Variants in L2HGDH observed in about 807,000 individuals in gnomAD.
L2HGDH encodes L-2-hydroxyglutarate dehydrogenase, mitochondrial.
A neutral mutation model predicts 51.5 loss-of-function variants in L2HGDH; 34 were observed. That is an observed-to-expected ratio of 0.66 (90% CI 0.50 to 0.88). The LOEUF is 0.88. L2HGDH is among the 40% of genes least tolerant of loss of function. The pLI is 0.00. For synonymous variants in L2HGDH, 198 were observed against 197.9 expected (o/e 1.00, Z -0.01); for missense variants, 558 against 571.9 (o/e 0.98, Z 0.25).
chr14:50,312,013 G>A lies in L2HGDH; in HGVS notation c.138C>T (p.Thr46=). ...GGGGAGGACCAGCGGCCACTCACCT[G>A]GTGCTGGCGCTGCGGCTACCTCCAC... ...PLCGGSRSAS[T]SSFDIVIVGG... is the part of the protein sequence containing the mutation. Residue 46 remains threonine, a splice_region_variant and synonymous_variant, in exon 1 of 10, where the codon ACC becomes ACT. Transcript: ENST00000267436. 1 of 1,563,438 alleles carries A rather than the reference G, an allele frequency of 6.4e-7. No individual in the cohort carries two copies. Among genetic ancestry groups the A allele is most frequent in the Non-Finnish European group, 8.6e-7 (1 of 1,156,662 alleles).
chr14:50,296,717 C>T (rs2030081852), intron 3 of L2HGDH, among the ~76,000 whole-genome samples: 1 of 151,954 alleles, frequency 6.6e-6, no homozygotes, highest in African/African-American at 2.4e-5. Flanking sequence ...GAATCACTTC[C>T]CAACTAATTC....
At chr14:50,291,263 A>G (rs1890875797) in intron 4 of L2HGDH, among the ~76,000 whole-genome samples, 1 of 151,906 alleles carries the variant, frequency 6.6e-6, no homozygotes, top group East Asian at 1.9e-4. Flanking sequence ...CCATACAAAA[A>G]CAGGTGGCAG....
intron 2 of L2HGDH, among the ~76,000 whole-genome samples, chr14:50,302,499 T>C (rs1311380362): frequency 1.3e-5 from 2 of 152,138 alleles, no homozygotes; most frequent in Non-Finnish European, 2.9e-5. Context: ...TCAACATCAC[T>C]AGCGGCAATC....
intron 6 of L2HGDH, among the ~76,000 whole-genome samples, chr14:50,276,626 T>C (rs73275194): frequency 0.01 from 1,581 of 152,248 alleles, 22 homozygotes; most frequent in South Asian, 0.034. Flanking sequence ...CCCAAGATCA[T>C]GCGCTCTCTT....
chr14:50,249,714 C>T (rs1379881156), intron 9 of L2HGDH, among the ~76,000 whole-genome samples: 1 of 151,840 alleles, frequency 6.6e-6, no homozygotes, highest in Non-Finnish European at 1.5e-5. Flanking sequence ...TCAGGTGTGA[C>T]CCAGCACATT....
chr14:50,294,481 T>C (rs973389124), intron 3 of L2HGDH, among the ~76,000 whole-genome samples: 7 of 152,184 alleles, frequency 4.6e-5, no homozygotes, highest in Non-Finnish European at 1.0e-4. Context: ...AAAAATGAAA[T>C]GTAGCTTCAA....
Position 50,307,288 on chromosome 14 carries a change from C to A in L2HGDH, c.141-4271G>T, listed in dbSNP as rs886622785. On this transcript the variant is annotated intron_variant, in intron 1 of 9. Transcript: ENST00000267436. ...ACATAAAACTATCATACTGAATATGCTTTTTCCAACTACATGTGCCACCCT... is the reference window on the plus strand; with the variant it reads ...ACATAAAACTATCATACTGAATATGATTTTTCCAACTACATGTGCCACCCT... Among the ~76,000 whole-genome samples, 20 of 152,298 alleles carry A rather than the reference C, an allele frequency of 1.3e-4. No individual in the cohort carries two copies. The South Asian group carries it at 1.9e-3, about 14-fold the overall frequency.
chr14:50,279,129 C>T (rs1054269264), intron 5 of L2HGDH, among the ~76,000 whole-genome samples: 3 of 152,190 alleles, frequency 2.0e-5, no homozygotes, highest in African/African-American at 4.8e-5. Flanking sequence ...GTTTATTATG[C>T]TACCTACCTA....
At chr14:50,303,845 C>T (rs1200830683) in intron 1 of L2HGDH, among the ~76,000 whole-genome samples, 2 of 147,836 alleles carry the variant, frequency 1.4e-5, no homozygotes, top group Admixed American at 6.7e-5. Context: ...AAGTTATACG[C>T]ATCACTGGTC....
chr14:50,245,301 A>G lies in L2HGDH; in HGVS notation c.*1757T>C. 1.0e-6 allele frequency: 1 copy of G among 984,876 alleles called. No homozygotes were observed. Among genetic ancestry groups the G allele is most frequent in the African/African-American group, 1.7e-5 (1 of 57,350 alleles). 61.0% of individuals were successfully genotyped at this position (984,876 alleles called of 1,614,324 possible). Reference sequence around the variant, plus strand: ...AATAACTTTTTTAAATTGGAGTTCTATACATCAGTGTCAGGATTCTAAAAC... The same window carrying G: ...AATAACTTTTTTAAATTGGAGTTCTGTACATCAGTGTCAGGATTCTAAAAC... On this transcript the variant is annotated 3_prime_UTR_variant, in exon 10 of 10. Transcript: ENST00000267436.
intron 4 of L2HGDH, among the ~76,000 whole-genome samples, chr14:50,288,974 T>C (rs1890718000): frequency 1.3e-5 from 2 of 152,248 alleles, no homozygotes; most frequent in African/African-American, 4.8e-5. Flanking sequence ...TGTAATGCAC[T>C]GTATAGATAA....
rs1454031781 is a variant in L2HGDH at position 50,283,943 on chromosome 14, C to T, written c.631G>A (p.Gly211Ser). 1 of 1,614,042 alleles carries T rather than the reference C, an allele frequency of 6.2e-7. No homozygotes were observed. Among genetic ancestry groups the T allele is most frequent in the Admixed American group, 1.7e-5 (1 of 60,014 alleles). ...ACTTCAAAATTGGTCAAGACAGAGC[C>T]ACCTGCTTCTTGGAAATCCTGGGCA... The part of the protein sequence containing the change: ...SFAQDFQEAG[G>S]SVLTNFEVKG... Residue 211 changes from glycine (G) to serine (S), a missense_variant, in exon 5 of 10, where the codon GGC becomes AGC. This residue lies in a region of L2HGDH where 321 missense variants were observed against 311.8 expected (regional missense o/e 1.03). Transcript: ENST00000267436.
In L2HGDH at chr14:50,294,214, G is replaced by A. The variant is rs113526275; in HGVS notation, c.441C>T (p.Pro147=). ...LIVAVEQEEI[P]RLQALYEKGL... ...CTTTCTCATATAGGGCCTGAAGTCT[G>A]GGAATTTCTTCTTGTTCAACAGCTA... Residue 147 remains proline (P), a synonymous_variant, in exon 4 of 10, where the codon CCC becomes CCT. Coordinates refer to ENST00000267436, the MANE Select transcript of L2HGDH (RefSeq NM_024884.3). 1.2e-6 allele frequency: 2 copies of A among 1,613,396 alleles called. No individual in the cohort carries two copies. The highest frequency in any genetic ancestry group is 2.2e-5 in the South Asian group (2 of 91,054).
At chr14:50,277,105 A>G (rs1447323223) in intron 6 of L2HGDH, among the ~76,000 whole-genome samples, 2 of 152,148 alleles carry the variant, frequency 1.3e-5, no homozygotes, top group Non-Finnish European at 2.9e-5. Flanking sequence ...GGTTAACCTT[A>G]TATCTTGGTA....
intron 6 of L2HGDH, among the ~76,000 whole-genome samples, chr14:50,274,035 G>A (rs1028920692): frequency 6.6e-6 from 1 of 152,202 alleles, no homozygotes; most frequent in Admixed American, 6.5e-5. Flanking sequence ...CCGAGATCGC[G>A]CTATTGCACT....
intron 9 of L2HGDH, among the ~76,000 whole-genome samples, chr14:50,249,506 A>G (rs1888211878): frequency 6.6e-6 from 1 of 152,250 alleles, no homozygotes; most frequent in South Asian, 2.1e-4. Context: ...TGAGGCCCGC[A>G]TTATAGGCCC....
In L2HGDH at chr14:50,284,013, A is replaced by G; in HGVS notation, c.561T>C (p.Cys187=). The change falls in exon 5 of 10, where the codon TGT becomes TGC. Residue 187 remains cysteine (C), a synonymous_variant. Coordinates refer to ENST00000267436, the MANE Select transcript of L2HGDH (RefSeq NM_024884.3). The part of the protein sequence containing the change: ...PYCRGLMAID[C]PHTGIVDYRQ... The stretch of plus-strand genomic sequence containing the variant: ...GATAGTCCACAATGCCAGTATGTGG[A>G]CAATCAATAGCCATTAGACCCTGAA... 7 of 1,614,078 alleles carry G rather than the reference A, an allele frequency of 4.3e-6. No homozygotes were observed. The highest frequency in any genetic ancestry group is 4.2e-6 in the Non-Finnish European group (5 of 1,179,924).
chr14:50,243,661 TTTTATATA>T lies in L2HGDH; in HGVS notation c.*3389_*3396del. On this transcript the variant is annotated 3_prime_UTR_variant, in exon 10 of 10. Transcript: ENST00000267436. ...TTTTTCATTTTTATTTTTCAGGGTATTTTATATATATATATATATATATATTGTTTATT... is the reference window on the plus strand; with the variant it reads ...TTTTTCATTTTTATTTTTCAGGGTATTATATATATATATATATTGTTTATT... 8.3e-6 allele frequency: 1 copy of T among 120,340 alleles called. No homozygotes were observed. The highest frequency in any genetic ancestry group is 1.0e-5 in the Non-Finnish European group (1 of 95,564). 7.5% of individuals were successfully genotyped at this position (120,340 alleles called of 1,614,324 possible).
intron 9 of L2HGDH, among the ~76,000 whole-genome samples, chr14:50,257,016 AC>A (rs1888704223): frequency 6.6e-6 from 1 of 152,020 alleles, no homozygotes; most frequent in South Asian, 2.1e-4. Context: ...GCTCACTGCA[AC>A]CTCTGCCTCG....
Sources: gnomAD v4.1 joint callset for allele counts (sites outside exome capture counted in the v4.1 genomes callset) on GRCh38, gnomAD v4.1.1 for gene constraint, gnomAD v4.1.1 regional missense constraint, MANE v1.5 for transcripts, NCBI Gene and HGNC (gene_info 2026-07-23, HGNC 2026-07-21) for gene names.